IRS1: variants seen among roughly 807,000 people sequenced by gnomAD.
IRS1 encodes insulin receptor substrate 1.
In IRS1, 34 loss-of-function variants were observed where a neutral mutation model predicts 65.6. The observed-to-expected ratio is 0.52, with a 90% CI of 0.39 to 0.69. The LOEUF (loss-of-function observed/expected upper bound fraction) is 0.69, where lower values mean the gene tolerates loss of function less well. IRS1 is among the 30% of genes least tolerant of loss of function. The pLI, the probability that IRS1 is intolerant of heterozygous loss-of-function variation, is 0.00. For synonymous variants in IRS1, 699 were observed against 683.5 expected, an observed-to-expected ratio of 1.02 and a Z score of -0.35; for missense variants, 1,641 against 1,720.2, an observed-to-expected ratio of 0.95 and a Z score of 0.81.
intron 1 of IRS1, among the ~76,000 whole-genome samples, chr2:226,739,819 A>T (rs1271173619): frequency 1.3e-5 from 2 of 152,234 alleles, no homozygotes; most frequent in Admixed American, 6.5e-5. Context: ...ACATTTGCGT[A>T]ACTTAATATA....
chr2:226,774,933 GGA>G (rs1437712607), intron 1 of IRS1, among the ~76,000 whole-genome samples: 5 of 152,180 alleles, frequency 3.3e-5, no homozygotes, highest in Non-Finnish European at 5.9e-5. Context: ...CAGGGGTTGG[GGA>G]GAGAGAGGAA....
rs1440213264 is a variant in IRS1 at position 226,794,786 on chromosome 2, C to T, written c.*21+203G>A. ...TTGGGAATTCTCAAACGAAAAAGCC[C>T]TCCTGTGGCTGCTCCTACATGTTTG... is the stretch of plus-strand genomic sequence containing the variant. On this transcript the variant is annotated intron_variant, in intron 1 of 1. Coordinates refer to ENST00000305123, the MANE Select transcript of IRS1 (RefSeq NM_005544.3). This position sits in a 1 kb window ranked among gnomAD's most constrained non-coding sequence, Gnocchi z 4.1. 6.6e-6 allele frequency among the ~76,000 whole-genome samples: 1 copy of T among 152,158 alleles called. No homozygotes were observed. The highest frequency in any genetic ancestry group is 1.9e-4 in the East Asian group (1 of 5,198).
At position 226,799,445 on chromosome 2, in the gene IRS1, G is replaced by A; in HGVS notation, c.-707C>T. 1.7e-6 allele frequency: 2 copies of A among 1,196,692 alleles called. No individual in the cohort carries two copies. Among genetic ancestry groups the A allele is most frequent in the Non-Finnish European group, 2.1e-6 (2 of 940,522 alleles). The allele number at this position is 1,196,692 out of a possible 1,614,324, so 74.1% of individuals were successfully genotyped here. Reference sequence around the variant, plus strand: ...CCCCCATCCGGGCCCATCTCGGCGGGTGGAGAAAGTGGCTTTTCCATGCGA... The same window carrying A: ...CCCCCATCCGGGCCCATCTCGGCGGATGGAGAAAGTGGCTTTTCCATGCGA... On this transcript the variant is annotated 5_prime_UTR_variant, in exon 1 of 2. Transcript: ENST00000305123. The surrounding 1 kb of genome is among the most constrained non-coding windows in gnomAD (Gnocchi z 6.1).
chr2:226,781,158 A>G (rs1410232072), intron 1 of IRS1, among the ~76,000 whole-genome samples: 1 of 152,100 alleles, frequency 6.6e-6, no homozygotes. Flanking sequence ...ATACACTTGA[A>G]CCCAGCTAAT....
At position 226,796,125 on chromosome 2, in the gene IRS1, G is replaced by C. The variant is rs1339153270; in HGVS notation, c.2614C>G (p.Pro872Ala). ...SLGDPKASTL[P>A]RAREQQQQQQ... ...TGCTGCTGCTGCTCTCGGGCCCGAG[G>C]TAAGGTGCTGGCCTTGGGATCCCCC... Residue 872 changes from proline (P) to alanine (A), a missense_variant, in exon 1 of 2, where the codon CCT (proline) becomes GCT (alanine). Pro to Ala is a conservative substitution (Grantham distance 27, BLOSUM62 -1). Transcript: ENST00000305123. The C allele has an allele frequency of 4.3e-6, 7 of 1,613,544 alleles. No homozygotes were observed. Among genetic ancestry groups the C allele is most frequent in the Non-Finnish European group, 5.9e-6 (7 of 1,180,006 alleles).
rs577308155 is a variant in IRS1 at position 226,733,617 on chromosome 2, A to G, written c.*2655T>C. 1 of 152,258 alleles carries G rather than the reference A, an allele frequency of 6.6e-6. No homozygotes were observed. Among genetic ancestry groups the G allele is most frequent in the African/African-American group, 2.4e-5 (1 of 41,474 alleles). The allele number at this position is 152,258 out of a possible 1,614,324, so 9.4% of individuals were successfully genotyped here. A position where few individuals can be genotyped will look rare whatever the true frequency, so the allele number is the denominator to read the frequency against. Reference sequence around the variant, plus strand: ...ACCCACTAACTTCTAGGTTAACCAGAGGCCACTAGAAGCCTCAATAATGAA... The same window carrying G: ...ACCCACTAACTTCTAGGTTAACCAGGGGCCACTAGAAGCCTCAATAATGAA... On this transcript the variant is annotated 3_prime_UTR_variant, in exon 2 of 2. Transcript: ENST00000305123.
chr2:226,767,303 G>A (rs955834861), intron 1 of IRS1, among the ~76,000 whole-genome samples: 3 of 152,208 alleles, frequency 2.0e-5, no homozygotes, highest in Non-Finnish European at 2.9e-5. Context: ...AAGATAAAAA[G>A]AGTGCTGAAA....
In IRS1 at chr2:226,798,798, G is replaced by A. The variant is rs1385801040; in HGVS notation, c.-60C>T. The A allele has an allele frequency of 2.0e-5, 31 of 1,566,210 alleles. No homozygotes were observed. The highest frequency in any genetic ancestry group is 2.6e-5 in the Non-Finnish European group (30 of 1,156,686). On this transcript the variant is annotated 5_prime_UTR_variant, in exon 1 of 2. Coordinates refer to ENST00000305123, the MANE Select transcript of IRS1 (RefSeq NM_005544.3). This position sits in a 1 kb window ranked among gnomAD's most constrained non-coding sequence, Gnocchi z 9.4. ...AGGCTCCGAAAAACAACCGGGTGGG[G>A]GGCGGAGGCTCCTCGCCGCGGCCCG...
At chr2:226,750,249 C>CAAAAAA (rs75785691) in intron 1 of IRS1, among the ~76,000 whole-genome samples, 44 of 59,974 alleles carry the variant, frequency 7.3e-4, no homozygotes, top group African/African-American at 2.0e-3. Flanking sequence ...AACTCTGTCT[C>CAAAAAA]AAAAAAAAAA....
intron 1 of IRS1, among the ~76,000 whole-genome samples, chr2:226,771,158 A>G (rs1311799824): frequency 1.3e-5 from 2 of 152,006 alleles, no homozygotes; most frequent in African/African-American, 4.8e-5. Context: ...TATGGGAGGG[A>G]GTGGTATATG....
At chr2:226,782,382 T>C (rs16822636) in intron 1 of IRS1, among the ~76,000 whole-genome samples, 7,595 of 152,272 alleles carry the variant, frequency 0.05, 346 homozygotes, top group East Asian at 0.17. Context: ...TTGCTTTGAG[T>C]AGGATGTGGC....
chr2:226,792,105 A>G (rs1209431134), intron 1 of IRS1: 1 of 152,248 alleles, frequency 6.6e-6, no homozygotes, highest in Non-Finnish European at 1.5e-5. Context: ...AACTGAATGA[A>G]AAAGAAATGG....
chr2:226,796,456 G>A lies in IRS1; in HGVS notation c.2283C>T (p.Val761=). ...YGPEDPQHKP[V]LSYYSLPRSF... ...ATCTTGGCAATGAGTAGTAGGAGAG[G>A]ACTGGCTTGTGCTGGGGGTCCTCAG... The change falls in exon 1 of 2, where the codon GTC becomes GTT. Residue 761 remains valine (V), a synonymous_variant. Coordinates refer to ENST00000305123, the MANE Select transcript of IRS1 (RefSeq NM_005544.3). 1 of 1,613,822 alleles carries A rather than the reference G, an allele frequency of 6.2e-7. No individual in the cohort carries two copies. Among genetic ancestry groups the A allele is most frequent in the South Asian group, 1.1e-5 (1 of 91,092 alleles).
intron 1 of IRS1, among the ~76,000 whole-genome samples, chr2:226,775,911 G>C (rs1939264477): frequency 6.6e-6 from 1 of 151,974 alleles, no homozygotes. Flanking sequence ...GTCTGTATAT[G>C]TTTAGTAAAG....
At chr2:226,738,006 A>G (rs998618980) in intron 1 of IRS1, among the ~76,000 whole-genome samples, 3 of 152,348 alleles carry the variant, frequency 2.0e-5, no homozygotes, top group South Asian at 4.1e-4. Context: ...CTGGACCCCA[A>G]GATATCTAAG....
At position 226,798,782 on chromosome 2, in the gene IRS1, A is replaced by G; in HGVS notation, c.-44T>C. The G allele has an allele frequency of 6.3e-7, 1 of 1,584,652 alleles. No individual in the cohort carries two copies. Among genetic ancestry groups the G allele is most frequent in the Non-Finnish European group, 8.6e-7 (1 of 1,166,308 alleles). ...AACGCTGAGCAGAGGGAGGCTCCGA[A>G]AAACAACCGGGTGGGGGGCGGAGGC... On this transcript the variant is annotated 5_prime_UTR_variant, in exon 1 of 2. Transcript: ENST00000305123. This position sits in a 1 kb window ranked among gnomAD's most constrained non-coding sequence, Gnocchi z 9.4.
chr2:226,750,582 T>C (rs943041643), intron 1 of IRS1, among the ~76,000 whole-genome samples: 5 of 152,196 alleles, frequency 3.3e-5, no homozygotes, highest in Non-Finnish European at 5.9e-5. Context: ...AGAATACATA[T>C]CAAATTTAGT....
chr2:226,774,111 A>C (rs1160396274), intron 1 of IRS1, among the ~76,000 whole-genome samples: 2 of 152,224 alleles, frequency 1.3e-5, no homozygotes, highest in Non-Finnish European at 2.9e-5. Flanking sequence ...TCCGGAAAGC[A>C]CAACAGCCAA....
intron 1 of IRS1, among the ~76,000 whole-genome samples, chr2:226,773,014 A>G (rs1002404992): frequency 6.6e-6 from 1 of 152,188 alleles, no homozygotes; most frequent in East Asian, 1.9e-4. Flanking sequence ...AGTAATACCA[A>G]TTCCTTTTAG....
Sources: allele counts gnomAD v4.1 joint callset (sites outside exome capture counted in the v4.1 genomes callset), GRCh38; gene constraint gnomAD v4.1.1; non-coding constraint Gnocchi (gnomAD v3.1); transcripts MANE v1.5; gene names NCBI Gene and HGNC (gene_info 2026-07-23, HGNC 2026-07-21).